DCC: variants seen among roughly 807,000 people sequenced by gnomAD.
DCC encodes netrin receptor DCC.
Under a neutral mutation model 172.5 loss-of-function variants are expected in DCC, and 58 were observed. The ratio of observed to expected loss-of-function variants is 0.34; its 90% CI spans 0.27 to 0.42. The LOEUF is 0.42. Among genes scored for constraint, DCC ranks in the 10% least tolerant of loss-of-function variants. The pLI is 1.00. For missense variants in DCC, 1,740 were observed against 1,791.0 expected (o/e 0.97, Z 0.51); for synonymous variants, 709 against 644.5 (o/e 1.10, Z -1.52).
rs1911228731 is a variant in DCC, at chr18:53,428,378, ATATAT to A, written c.3164-6764_3164-6760del. Among the ~76,000 whole-genome samples the A allele has an allele frequency of 7.5e-5, 7 of 92,878 alleles. 1 individual carries two copies. In the South Asian group the frequency reaches 2.5e-3, roughly 34 times the overall value. The allele number at this position is 92,878 out of a possible 152,430, so 60.9% of individuals were successfully genotyped here. ...ATGTTGTATATAATATAATATTATAATATATTGTATATAATATAATATAATATATT... is the reference window on the plus strand; with the variant it reads ...ATGTTGTATATAATATAATATTATAATGTATATAATATAATATAATATATT... On this transcript the variant is annotated intron_variant, in intron 21 of 28. Transcript: ENST00000442544.
In DCC at chr18:52,340,328, G is replaced by A; in HGVS notation, c.-460G>A. The A allele has an allele frequency of 5.3e-6, 1 of 189,940 alleles. No individual in the cohort carries two copies. The highest frequency in any genetic ancestry group is 1.1e-5 in the Non-Finnish European group (1 of 89,504). 11.8% of individuals were successfully genotyped at this position (189,940 alleles called of 1,614,324 possible). ...GCATCTCCAGCTCTCGCGCGGAATTGTCTCTTCAACTTTACCCAACCGACG... is the reference window on the plus strand; with the variant it reads ...GCATCTCCAGCTCTCGCGCGGAATTATCTCTTCAACTTTACCCAACCGACG... On this transcript the variant is annotated 5_prime_UTR_variant, in exon 1 of 29. Transcript: ENST00000442544.
chr18:52,693,455 T>C (rs1308975467), intron 1 of DCC, among the ~76,000 whole-genome samples: 1 of 140,918 alleles, frequency 7.1e-6, no homozygotes, highest in African/African-American at 2.5e-5. Context: ...TATATCTTTA[T>C]ATCTATGTGT....
chr18:53,350,450 C>T (rs527383575), intron 15 of DCC, among the ~76,000 whole-genome samples: 1 of 152,110 alleles, frequency 6.6e-6, no homozygotes, highest in South Asian at 2.1e-4. Flanking sequence ...TTCAGTGATG[C>T]TTACTAGAAG....
chr18:53,309,751 A>C (rs1440810546), intron 13 of DCC, among the ~76,000 whole-genome samples: 1 of 152,020 alleles, frequency 6.6e-6, no homozygotes, highest in Non-Finnish European at 1.5e-5. Context: ...ACAAATGCCC[A>C]TTTGCATCTT....
At chr18:53,120,168 A>T (rs2043464133) in intron 7 of DCC, among the ~76,000 whole-genome samples, 1 of 151,844 alleles carries the variant, frequency 6.6e-6, no homozygotes, top group African/African-American at 2.4e-5. Flanking sequence ...TGAGGTGTTT[A>T]TTACAATTCT....
chr18:52,484,338 C>T (rs569991235), intron 1 of DCC, among the ~76,000 whole-genome samples: 1 of 152,156 alleles, frequency 6.6e-6, no homozygotes, highest in South Asian at 2.1e-4. Flanking sequence ...CTCCTCTGGC[C>T]ATTATTTTCC....
chr18:52,947,588 G>A (rs1050319018), intron 5 of DCC, among the ~76,000 whole-genome samples: 1 of 152,148 alleles, frequency 6.6e-6, no homozygotes, highest in Non-Finnish European at 1.5e-5. Context: ...TGCCTCTTGG[G>A]TCAGTCAGGC....
chr18:52,807,271 C>T lies in DCC; in HGVS notation c.412+54897C>T, dbSNP rs59605492. Among the ~76,000 whole-genome samples, 726 of 152,272 alleles carry T rather than the reference C, an allele frequency of 4.8e-3. 2 individuals are homozygous for T. The highest frequency in any genetic ancestry group is 0.016 in the African/African-American group (662 of 41,566). ...ATACTGGGTAATACTAGACGCACTG[C>T]GCCTCCTGCCTCTCTAGCACGGTGA... is the stretch of plus-strand genomic sequence containing the variant. On this transcript the variant is annotated intron_variant, in intron 2 of 28. Transcript: ENST00000442544.
chr18:52,396,172 A>C (rs2144361715), intron 1 of DCC, among the ~76,000 whole-genome samples: 1 of 152,096 alleles, frequency 6.6e-6, no homozygotes, highest in South Asian at 2.1e-4. Context: ...CCGTTAAAGC[A>C]GAAAAGAAAA....
intron 12 of DCC, among the ~76,000 whole-genome samples, chr18:53,283,870 G>C (rs2056902867): frequency 1.3e-5 from 2 of 151,208 alleles, no homozygotes; most frequent in Non-Finnish European, 2.9e-5. Context: ...CTTCATAAAA[G>C]ACAGCAGCAA....
At chr18:52,539,698 T>C (rs1360988460) in intron 1 of DCC, among the ~76,000 whole-genome samples, 1 of 152,208 alleles carries the variant, frequency 6.6e-6, no homozygotes, top group Non-Finnish European at 1.5e-5. Context: ...ACTGCTGTAT[T>C]ATACAACATA....
At chr18:52,922,845 T>G (rs73458971) in intron 3 of DCC, among the ~76,000 whole-genome samples, 21 of 152,278 alleles carry the variant, frequency 1.4e-4, no homozygotes, top group African/African-American at 5.1e-4. Flanking sequence ...ACTTGAGCAT[T>G]GCATTTGGGG....
At chr18:53,351,403 A>ATATATATATATACACTGTG (rs1568075123) in intron 15 of DCC, among the ~76,000 whole-genome samples, 6 of 10,548 alleles carry the variant, frequency 5.7e-4, no homozygotes, top group South Asian at 9.6e-3. Context: ...TATACAGTGT[A>ATATATATATATACACTGTG]TATATATATA....
chr18:52,513,131 T>C (rs1052005873), intron 1 of DCC, among the ~76,000 whole-genome samples: 2 of 152,186 alleles, frequency 1.3e-5, no homozygotes, highest in African/African-American at 2.4e-5. Flanking sequence ...GAGTCTATTA[T>C]AGTTCTCCTA....
chr18:53,226,384 T>A (rs1209998876), intron 12 of DCC, among the ~76,000 whole-genome samples: 1 of 152,050 alleles, frequency 6.6e-6, no homozygotes, highest in Non-Finnish European at 1.5e-5. Flanking sequence ...AATAACACAT[T>A]TCCCTGACTT....
At chr18:52,904,580 G>C (rs2039854400) in intron 2 of DCC, among the ~76,000 whole-genome samples, 1 of 152,164 alleles carries the variant, frequency 6.6e-6, no homozygotes, top group Non-Finnish European at 1.5e-5. Flanking sequence ...AAAACTAAGG[G>C]TAATTAAAAC....
chr18:52,609,443 T>C (rs2034204090), intron 1 of DCC, among the ~76,000 whole-genome samples: 1 of 151,962 alleles, frequency 6.6e-6, no homozygotes, highest in East Asian at 1.9e-4. Context: ...CCATTTGTAA[T>C]TAACATGTAT....
At chr18:52,486,343 C>T (rs2030223266) in intron 1 of DCC, among the ~76,000 whole-genome samples, 1 of 152,098 alleles carries the variant, frequency 6.6e-6, no homozygotes, top group South Asian at 2.1e-4. Flanking sequence ...GTAATGTTTA[C>T]TGACCAGCCA....
At chr18:53,205,393 C>G (rs1240803833) in intron 10 of DCC, 29 bp downstream of exon 10, 1 of 1,610,238 alleles carries the variant, frequency 6.2e-7, no homozygotes. Flanking sequence ...CACACTGCTT[C>G]CATCTGTTGG....
Sources: gnomAD v4.1 joint callset for allele counts (sites outside exome capture counted in the v4.1 genomes callset) on GRCh38, gnomAD v4.1.1 for gene constraint, MANE v1.5 for transcripts, NCBI Gene and HGNC (gene_info 2026-07-23, HGNC 2026-07-21) for gene names.